Variants in PTPRG observed in about 807,000 individuals in gnomAD.
The protein encoded by PTPRG is receptor-type tyrosine-protein phosphatase gamma.
A neutral mutation model predicts 165.3 loss-of-function variants in PTPRG; 102 were observed. That is an observed-to-expected ratio of 0.62 (90% confidence interval 0.53 to 0.73). The LOEUF (loss-of-function observed/expected upper bound fraction) is 0.73. Among genes scored for constraint, PTPRG ranks in the 30% least tolerant of loss-of-function variants. The pLI is 0.00. For synonymous variants in PTPRG, 675 were observed against 669.5 expected (o/e 1.01, Z -0.13); for missense variants, 1,866 against 1,861.4 (o/e 1.00, Z -0.05).
At chr3:62,066,191 G>A (rs548339145) in intron 4 of PTPRG, among the ~76,000 whole-genome samples, 11 of 152,222 alleles carry the variant, frequency 7.2e-5, no homozygotes, top group South Asian at 2.1e-4. Flanking sequence ...TCATTTCCCC[G>A]AAAACATGAC....
At chr3:62,036,592 T>C (rs1699946944) in intron 4 of PTPRG, among the ~76,000 whole-genome samples, 1 of 152,180 alleles carries the variant, frequency 6.6e-6, no homozygotes, top group African/African-American at 2.4e-5. Context: ...TGCCTCACAT[T>C]TATTGGTGTT....
chr3:62,076,841 A>G (rs1701405788), intron 4 of PTPRG, among the ~76,000 whole-genome samples: 1 of 152,178 alleles, frequency 6.6e-6, no homozygotes, highest in South Asian at 2.1e-4. Context: ...ACAGCCTCCC[A>G]AAGTGCTGGG....
chr3:61,908,511 C>T (rs2038716766), intron 2 of PTPRG, among the ~76,000 whole-genome samples: 2 of 151,358 alleles, frequency 1.3e-5, no homozygotes, highest in Non-Finnish European at 2.9e-5. Context: ...CACAGTTCCA[C>T]ATGTAAGATT....
intron 5 of PTPRG, among the ~76,000 whole-genome samples, chr3:62,126,748 A>G (rs1239868208): frequency 6.6e-6 from 1 of 152,238 alleles, no homozygotes; most frequent in Non-Finnish European, 1.5e-5. Context: ...ACTCATCTTT[A>G]TCGGGATTTC....
At chr3:61,906,431 G>A (rs957045221) in intron 2 of PTPRG, among the ~76,000 whole-genome samples, 13 of 151,412 alleles carry the variant, frequency 8.6e-5, no homozygotes, top group Non-Finnish European at 1.6e-4. Context: ...ATTCCAGCCC[G>A]GGTGACAATG....
At chr3:61,980,076 T>C (rs1387092954) in intron 2 of PTPRG, among the ~76,000 whole-genome samples, 2 of 152,190 alleles carry the variant, frequency 1.3e-5, no homozygotes, top group African/African-American at 4.8e-5. Flanking sequence ...CTTGAGCATC[T>C]TTTTAAATAT....
Position 62,194,954 on chromosome 3 carries a change from G to A in PTPRG, c.1219-108G>A. 3.0e-6 allele frequency: 3 copies of A among 992,246 alleles called. No homozygotes were observed. The South Asian group carries it at 4.3e-5, about 14-fold the overall frequency. The allele number at this position is 992,246 out of a possible 1,614,324, so 61.5% of individuals were successfully genotyped here. On this transcript the variant is annotated intron_variant, in intron 9 of 29. Coordinates refer to ENST00000474889, the MANE Select transcript of PTPRG (RefSeq NM_002841.4). ...AAGTGAGCCTTTGGTCAGCAGGGAA[G>A]CATCACACCTGTCAGGCATTGTCAC...
intron 2 of PTPRG, among the ~76,000 whole-genome samples, chr3:61,844,666 T>C (rs1311901845): frequency 6.8e-6 from 1 of 146,232 alleles, no homozygotes; most frequent in East Asian, 1.9e-4. Flanking sequence ...GGCTTTTTTT[T>C]TTTTTCCCCC....
intron 8 of PTPRG, among the ~76,000 whole-genome samples, chr3:62,184,475 C>G (rs1441206533): frequency 6.6e-6 from 1 of 152,172 alleles, no homozygotes; most frequent in Non-Finnish European, 1.5e-5. Flanking sequence ...TCCCTGAGGC[C>G]ATTTCTCTGG....
At chr3:62,284,445 T>C (rs1043297841) in intron 28 of PTPRG, among the ~76,000 whole-genome samples, 1 of 152,092 alleles carries the variant, frequency 6.6e-6, no homozygotes. Context: ...TCTGCAAATA[T>C]CATATAGGTG....
chr3:62,048,185 A>T (rs1489865596), intron 4 of PTPRG, among the ~76,000 whole-genome samples: 1 of 151,082 alleles, frequency 6.6e-6, no homozygotes, highest in Non-Finnish European at 1.5e-5. Flanking sequence ...AAGCCCACTT[A>T]AAAAAAGAAG....
chr3:61,650,261 C>A (rs1702314803), intron 1 of PTPRG, among the ~76,000 whole-genome samples: 1 of 152,136 alleles, frequency 6.6e-6, no homozygotes, highest in Admixed American at 6.5e-5. Context: ...GTGGGGGCAC[C>A]ATGTACCTTG....
At chr3:61,831,531 C>G (rs1453242801) in intron 2 of PTPRG, among the ~76,000 whole-genome samples, 1 of 152,108 alleles carries the variant, frequency 6.6e-6, no homozygotes, top group East Asian at 1.9e-4. Flanking sequence ...TTCAACCCAG[C>G]TTAAAGTTAA....
intron 4 of PTPRG, among the ~76,000 whole-genome samples, chr3:62,073,452 G>A (rs902391930): frequency 6.6e-6 from 1 of 152,134 alleles, no homozygotes; most frequent in African/African-American, 2.4e-5. Context: ...GCATAAATGT[G>A]CTTGCTGATA....
chr3:61,931,010 G>GC (rs1410201810), intron 2 of PTPRG, among the ~76,000 whole-genome samples: 2 of 152,230 alleles, frequency 1.3e-5, no homozygotes, highest in Non-Finnish European at 2.9e-5. Flanking sequence ...GCAGTGAGCT[G>GC]AGATCACGCC....
intron 2 of PTPRG, among the ~76,000 whole-genome samples, chr3:61,878,415 TTTG>T (rs950704481): frequency 6.6e-6 from 1 of 152,152 alleles, no homozygotes; most frequent in Non-Finnish European, 1.5e-5. Flanking sequence ...ACACCAGTGT[TTTG>T]TTGTTGTTGT....
intron 2 of PTPRG, among the ~76,000 whole-genome samples, chr3:61,935,396 C>T (rs1412278864): frequency 6.6e-6 from 1 of 152,198 alleles, no homozygotes; most frequent in Admixed American, 6.5e-5. Flanking sequence ...TGGCACAGAA[C>T]ATGGCAAAAT....
chr3:61,795,614 T>TGGGTGACA (rs139170577), intron 2 of PTPRG, among the ~76,000 whole-genome samples: 63,101 of 125,330 alleles, frequency 0.5, 16,043 homozygotes, highest in Middle Eastern at 0.7. Flanking sequence ...CACTCCAGCC[T>TGGGTGACA]GGGTGACAGA....
chr3:62,265,249 T>A (rs1056749702), intron 17 of PTPRG, among the ~76,000 whole-genome samples: 4 of 152,208 alleles, frequency 2.6e-5, no homozygotes, highest in Non-Finnish European at 4.4e-5. Flanking sequence ...CTTTTCACTT[T>A]CTTAATGTGA....
Sources: gnomAD v4.1 joint callset for allele counts (sites outside exome capture counted in the v4.1 genomes callset) on GRCh38, gnomAD v4.1.1 for gene constraint, MANE v1.5 for transcripts, NCBI Gene and HGNC (gene_info 2026-07-23, HGNC 2026-07-21) for gene names.